SORCS2: variants seen among roughly 807,000 people sequenced by gnomAD.
SORCS2 encodes sortilin related VPS10 domain containing receptor 2.
Under a neutral mutation model 141.6 loss-of-function variants are expected in SORCS2, and 100 were observed. The ratio of observed to expected loss-of-function variants is 0.71; its 90% confidence interval spans 0.60 to 0.83. The LOEUF (loss-of-function observed/expected upper bound fraction) is 0.83, where lower values mean the gene tolerates loss of function less well. SORCS2 is among the 40% of genes least tolerant of loss of function. The pLI is 0.00. For synonymous variants in SORCS2, 789 were observed against 676.9 expected, an observed-to-expected ratio of 1.17 and a Z score of -2.57; for missense variants, 1,646 against 1,560.2, an observed-to-expected ratio of 1.05 and a Z score of -0.93.
intron 2 of SORCS2, among the ~76,000 whole-genome samples, chr4:7,403,997 ATTT>A (rs60403055): frequency 0.041 from 767 of 18,686 alleles, 11 homozygotes; most frequent in African/African-American, 0.1. Context: ...ATATATATAT[ATTT>A]TTTTTTTTTT....
Position 7,715,240 on chromosome 4 carries a change from C to T in SORCS2, c.2181C>T (p.Ala727=). The T allele has an allele frequency of 6.2e-7, 1 of 1,614,014 alleles. No homozygotes were observed. Among genetic ancestry groups the T allele is most frequent in the Non-Finnish European group, 8.5e-7 (1 of 1,179,882 alleles). ...SSESSTNKCS[A]NFWFNPLSPP... ...AGTCCAGCACCAACAAGTGCTCTGC[C>T]AACTTCTGGTTTAACCCATTGTCCC... Residue 727 remains alanine, a synonymous_variant, in exon 17 of 27, where the codon GCC becomes GCT. Transcript: ENST00000507866.
intron 2 of SORCS2, among the ~76,000 whole-genome samples, chr4:7,449,372 C>CCCCT (rs1316642956): frequency 8.4e-5 from 6 of 71,388 alleles, no homozygotes; most frequent in African/African-American, 2.9e-4. Flanking sequence ...TCCTTTCTCT[C>CCCCT]CCCTCCCTCC....
At chr4:7,691,589 T>C (rs987606064) in intron 11 of SORCS2, among the ~76,000 whole-genome samples, 3 of 152,072 alleles carry the variant, frequency 2.0e-5, no homozygotes, top group Admixed American at 1.3e-4. Flanking sequence ...TGACAGCCCA[T>C]CTGGACAGCC....
At chr4:7,385,589 C>T (rs142473474) in intron 1 of SORCS2, among the ~76,000 whole-genome samples, 79 of 152,324 alleles carry the variant, frequency 5.2e-4, no homozygotes, top group Non-Finnish European at 9.3e-4. Flanking sequence ...GGAGGAAGGC[C>T]TGTGCTCTTC....
intron 1 of SORCS2, among the ~76,000 whole-genome samples, chr4:7,237,422 G>T (rs1367740032): frequency 6.6e-6 from 1 of 152,192 alleles, no homozygotes; most frequent in African/African-American, 2.4e-5. Flanking sequence ...GTGACCCACA[G>T]TGGCTCCTCC....
At chr4:7,268,674 G>T in intron 1 of SORCS2, among the ~76,000 whole-genome samples, 1 of 152,230 alleles carries the variant, frequency 6.6e-6, no homozygotes, top group East Asian at 1.9e-4. Context: ...GTGAGTGAAG[G>T]GAGTGCCCAG....
At chr4:7,686,346 G>A (rs1415027387) in intron 10 of SORCS2, among the ~76,000 whole-genome samples, 1 of 152,180 alleles carries the variant, frequency 6.6e-6, no homozygotes, top group Non-Finnish European at 1.5e-5. Context: ...GCGTCCAGGT[G>A]GCTGGTGCTG....
intron 1 of SORCS2, among the ~76,000 whole-genome samples, chr4:7,336,050 G>C (rs1001278452): frequency 6.6e-6 from 1 of 152,220 alleles, no homozygotes; most frequent in African/African-American, 2.4e-5. Flanking sequence ...CATAAGCGCT[G>C]TGTGCAGGGG....
At chr4:7,242,309 C>A (rs748332072) in intron 1 of SORCS2, among the ~76,000 whole-genome samples, 1 of 152,162 alleles carries the variant, frequency 6.6e-6, no homozygotes, top group East Asian at 1.9e-4. Context: ...GATTATCCAA[C>A]TCAGCCTCCT....
intron 2 of SORCS2, among the ~76,000 whole-genome samples, chr4:7,475,181 G>A (rs1011423586): frequency 6.6e-6 from 1 of 152,188 alleles, no homozygotes; most frequent in South Asian, 2.1e-4. Context: ...CCTTATGGCT[G>A]GAGGTTGGGG....
chr4:7,723,226 C>G (rs755793212), intron 18 of SORCS2, among the ~76,000 whole-genome samples: 10 of 152,162 alleles, frequency 6.6e-5, no homozygotes, highest in Non-Finnish European at 1.2e-4. Flanking sequence ...ACCGCAGCTT[C>G]CCAGAAAGGA....
chr4:7,264,513 C>T (rs1577336003), intron 1 of SORCS2, among the ~76,000 whole-genome samples: 1 of 152,322 alleles, frequency 6.6e-6, no homozygotes, highest in East Asian at 1.9e-4. Flanking sequence ...ACCGGCTATC[C>T]ACAGGAAATC....
chr4:7,647,743 T>C (rs1721172180), intron 4 of SORCS2, among the ~76,000 whole-genome samples: 1 of 152,242 alleles, frequency 6.6e-6, no homozygotes, highest in Admixed American at 6.5e-5. Context: ...ACCTGCAGTC[T>C]CCTGGCCGTG....
chr4:7,599,495 GA>G (rs1717513634), intron 3 of SORCS2, among the ~76,000 whole-genome samples: 1 of 152,184 alleles, frequency 6.6e-6, no homozygotes, highest in Non-Finnish European at 1.5e-5. Context: ...CTTCAAAGGG[GA>G]AGTTGGATAA....
chr4:7,538,530 T>A (rs56384565), intron 3 of SORCS2, among the ~76,000 whole-genome samples: 2,617 of 152,222 alleles, frequency 0.017, 65 homozygotes, highest in African/African-American at 0.059. Context: ...ATATGAAAAA[T>A]TTATGTGAAT....
rs187034168 is a variant in SORCS2, at chr4:7,418,169, G to C, written c.548+21814G>C. Among the ~76,000 whole-genome samples the C allele has an allele frequency of 5.3e-5, 8 of 152,238 alleles. No individual in the cohort carries two copies. In the East Asian group the frequency reaches 9.7e-4, roughly 18 times the overall value. ...TTTTCTGAGCGCTCAGCACATTTCA[G>C]GTGTACCCTAGACTCCGGAGATTCA... On this transcript the variant is annotated intron_variant, in intron 2 of 26. Transcript: ENST00000507866.
intron 2 of SORCS2, among the ~76,000 whole-genome samples, chr4:7,396,899 G>C (rs1724248930): frequency 1.3e-5 from 2 of 152,182 alleles, no homozygotes; most frequent in African/African-American, 4.8e-5. Flanking sequence ...AATGAGATGA[G>C]AAAGAAGGAG....
chr4:7,244,364 T>A (rs1240560918), intron 1 of SORCS2, among the ~76,000 whole-genome samples: 1 of 152,242 alleles, frequency 6.6e-6, no homozygotes, highest in Non-Finnish European at 1.5e-5. Flanking sequence ...TTCAGCGGCC[T>A]CCTATTCCCC....
intron 1 of SORCS2, among the ~76,000 whole-genome samples, chr4:7,290,363 G>A (rs1292858303): frequency 6.6e-6 from 1 of 152,170 alleles, no homozygotes; most frequent in Admixed American, 6.5e-5. Flanking sequence ...GTGACAGGAA[G>A]AAAAACACAG....
Sources: allele counts gnomAD v4.1 joint callset (sites outside exome capture counted in the v4.1 genomes callset), GRCh38; gene constraint gnomAD v4.1.1; transcripts MANE v1.5; gene names NCBI Gene and HGNC (gene_info 2026-07-23, HGNC 2026-07-21).